The following LITAF variants were observed in gnomAD, a reference collection of about 807,000 sequenced individuals.
LITAF encodes the protein lipopolysaccharide induced TNF factor, also known as lipopolysaccharide-induced tumor necrosis factor-alpha factor.
A neutral mutation model predicts 14.5 loss-of-function variants in LITAF; 9 were observed. The ratio of observed to expected loss-of-function variants is 0.62; its 90% CI spans 0.37 to 1.08. The LOEUF (loss-of-function observed/expected upper bound fraction) is 1.08. Among genes scored for constraint, LITAF ranks in the 50% least tolerant of loss-of-function variants. LITAF has a pLI of 0.01. For synonymous variants in LITAF, 98 were observed against 88.2 expected (o/e 1.11, Z -0.62); for missense variants, 206 against 213.4 (o/e 0.97, Z 0.22).
chr16:11,619,798 C>T (rs748094525), intron 3 of LITAF, among the ~76,000 whole-genome samples: 44 of 152,066 alleles, frequency 2.9e-4, no homozygotes, highest in Non-Finnish European at 5.0e-4. Context: ...GTCTTCAACT[C>T]CTGGCCTCAA....
chr16:11,626,075 T>C (rs568855835), intron 3 of LITAF, among the ~76,000 whole-genome samples: 11 of 152,250 alleles, frequency 7.2e-5, no homozygotes, highest in Admixed American at 2.6e-4. Flanking sequence ...ACTGGGCTGA[T>C]TGATGAAAGT....
At chr16:11,627,545 A>G (rs1003886125) in intron 3 of LITAF, among the ~76,000 whole-genome samples, 3 of 152,198 alleles carry the variant, frequency 2.0e-5, no homozygotes, top group Admixed American at 2.0e-4. Context: ...AATGTATTAG[A>G]CTTAAAAAAA....
chr16:11,623,989 A>G (rs2141897581), intron 3 of LITAF, among the ~76,000 whole-genome samples: 1 of 152,168 alleles, frequency 6.6e-6, no homozygotes, highest in East Asian at 1.9e-4. Context: ...TTTTAAAAGA[A>G]GAATCACTCT....
At chr16:11,604,824 G>A (rs951708177) in intron 3 of LITAF, among the ~76,000 whole-genome samples, 2 of 150,420 alleles carry the variant, frequency 1.3e-5, no homozygotes, top group Non-Finnish European at 3.0e-5. Flanking sequence ...GATTACTGAC[G>A]AGAAAAGTAT....
intron 1 of LITAF, among the ~76,000 whole-genome samples, chr16:11,565,771 T>A (rs989895235): frequency 6.6e-6 from 1 of 151,568 alleles, no homozygotes; most frequent in Non-Finnish European, 1.5e-5. Flanking sequence ...GTCACGGGCA[T>A]GCTCTTTCTT....
chr16:11,599,079 C>T (rs887995517), upstream of LITAF, among the ~76,000 whole-genome samples: 3 of 151,222 alleles, frequency 2.0e-5, no homozygotes, highest in South Asian at 2.1e-4. Flanking sequence ...CTCGGCCTCC[C>T]AAAGTGTTAG....
upstream of LITAF, chr16:11,587,278 C>G: frequency 2.3e-6 from 1 of 425,652 alleles, no homozygotes; most frequent in South Asian, 1.7e-5. Flanking sequence ...GCTCGCGGCT[C>G]TCCCCACTTT....
At chr16:11,581,319 C>T (rs72779183) in intron 1 of LITAF, among the ~76,000 whole-genome samples, 20,715 of 152,236 alleles carry the variant, frequency 0.14, 1,698 homozygotes, top group South Asian at 0.23. Flanking sequence ...ATAGGCAGGT[C>T]TTACCCCAAA....
rs957100020 is a variant in LITAF, at chr16:11,634,039, C to A, written c.-20-402G>T. Among the ~76,000 whole-genome samples, 2 of 152,168 alleles carry A rather than the reference C, an allele frequency of 1.3e-5. No homozygotes were observed. Among genetic ancestry groups the A allele is most frequent in the African/African-American group, 4.8e-5 (2 of 41,434 alleles). Reference sequence around the variant, plus strand: ...ATGTGTAAGGCCACTTAGCAATACACAGACACATGCAGAGGGACATACAGA... The same window carrying A: ...ATGTGTAAGGCCACTTAGCAATACAAAGACACATGCAGAGGGACATACAGA... On this transcript the variant is annotated intron_variant, in intron 2 of 3. Transcript: ENST00000574848. The surrounding 1 kb of genome is among the most constrained non-coding windows in gnomAD (Gnocchi z 4.1).
chr16:11,618,359 G>A (rs1448893148), intron 3 of LITAF, among the ~76,000 whole-genome samples: 1 of 152,184 alleles, frequency 6.6e-6, no homozygotes, highest in Non-Finnish European at 1.5e-5. Flanking sequence ...TTTGTAATCA[G>A]CCAGGCAGAA....
At position 11,632,092 on chromosome 16, in the gene LITAF, C is replaced by T. The variant is rs960485185; in HGVS notation, c.85+1441G>A. On this transcript the variant is annotated intron_variant, in intron 3 of 3. Coordinates refer to the LITAF transcript ENST00000574848. This position sits in a 1 kb window ranked among gnomAD's most constrained non-coding sequence, Gnocchi z 4.8. Reference sequence around the variant, plus strand: ...CCGTGTTAACCAGGATGGTCTTGATCTCCTGACCTCGTGATCCACCCGCCT... The same window carrying T: ...CCGTGTTAACCAGGATGGTCTTGATTTCCTGACCTCGTGATCCACCCGCCT... 6.6e-6 allele frequency among the ~76,000 whole-genome samples: 1 copy of T among 152,010 alleles called. No individual in the cohort carries two copies. The highest frequency in any genetic ancestry group is 1.5e-5 in the Non-Finnish European group (1 of 68,002).
intron 3 of LITAF, among the ~76,000 whole-genome samples, chr16:11,606,727 C>T (rs1489078928): frequency 6.6e-6 from 1 of 151,914 alleles, no homozygotes; most frequent in Non-Finnish European, 1.5e-5. Flanking sequence ...CTCTGCCTCC[C>T]GGGTTCAATC....
rs535792814 is a variant in LITAF, at chr16:11,617,352, C to T, written c.85+16181G>A. Reference sequence around the variant, plus strand: ...CCCAGGGTAAGGCTGCCCAGGCTTGCAGGCTTCCATTCTGTCTTATCAAGT... The same window carrying T: ...CCCAGGGTAAGGCTGCCCAGGCTTGTAGGCTTCCATTCTGTCTTATCAAGT... On this transcript the variant is annotated intron_variant, in intron 3 of 3. Transcript: ENST00000574848. Among the ~76,000 whole-genome samples, 16 of 151,662 alleles carry T rather than the reference C, an allele frequency of 1.1e-4. No individual in the cohort carries two copies. The South Asian group carries it at 3.3e-3, about 32-fold the overall frequency.
upstream of LITAF, among the ~76,000 whole-genome samples, chr16:11,598,821 T>C (rs77798797): frequency 2.6e-3 from 398 of 152,114 alleles, no homozygotes; most frequent in African/African-American, 9.0e-3. Context: ...GCTATTTATG[T>C]ATTTATTTAT....
intron 3 of LITAF, among the ~76,000 whole-genome samples, chr16:11,618,713 G>C (rs913094709): frequency 6.6e-6 from 1 of 152,096 alleles, no homozygotes; most frequent in Non-Finnish European, 1.5e-5. Context: ...GGCCGGCCGC[G>C]GGGGCTCACA....
At chr16:11,621,356 ACCCAGC>A (rs1162106415) in intron 3 of LITAF, among the ~76,000 whole-genome samples, 1 of 151,708 alleles carries the variant, frequency 6.6e-6, no homozygotes, top group Non-Finnish European at 1.5e-5. Context: ...GAGCCACTGC[ACCCAGC>A]CCCAGCCAAT....
rs940928343 is a variant in LITAF at position 11,558,745 on chromosome 16, G to A, written c.-5-2010C>T. 2.0e-5 allele frequency among the ~76,000 whole-genome samples: 3 copies of A among 152,072 alleles called. No individual in the cohort carries two copies. Among genetic ancestry groups the A allele is most frequent in the Non-Finnish European group, 2.9e-5 (2 of 68,004 alleles). On this transcript the variant is annotated intron_variant, in intron 1 of 3. Coordinates refer to ENST00000622633, the MANE Select transcript of LITAF (RefSeq NM_001136472.2). The surrounding 1 kb of genome is among the most constrained non-coding windows in gnomAD (Gnocchi z 4.1). ...ACGAAACAAAGTGGAATAGAGGCGG[G>A]GGAGTGAACGTGATAAAAAGAAAGT...
chr16:11,587,171 A>C (rs1459842178), upstream of LITAF: 91 of 287,150 alleles, frequency 3.2e-4, 1 homozygote, highest in African/African-American at 2.0e-3. Context: ...CCTGGCGCGG[A>C]CCTGGTGTCT....
chr16:11,581,534 G>C (rs1035355563), intron 1 of LITAF, among the ~76,000 whole-genome samples: 1 of 152,070 alleles, frequency 6.6e-6, no homozygotes. Flanking sequence ...AGGATGGCTT[G>C]AGCTCGAGAG....
Sources: allele counts gnomAD v4.1 joint callset (sites outside exome capture counted in the v4.1 genomes callset), GRCh38; gene constraint gnomAD v4.1.1; non-coding constraint Gnocchi (gnomAD v3.1); transcripts MANE v1.5; gene names NCBI Gene and HGNC (gene_info 2026-07-23, HGNC 2026-07-21).